CDK19: variants seen among roughly 807,000 people sequenced by gnomAD.
CDK19 encodes the protein cyclin dependent kinase 19.
Under a neutral mutation model 68.3 loss-of-function variants are expected in CDK19, and 20 were observed. The observed-to-expected ratio is 0.29, with a 90% CI of 0.21 to 0.43. The LOEUF is 0.43. Ranked by LOEUF, CDK19 falls within the 20% of genes least tolerant of loss-of-function variation. The pLI is 1.00. For missense variants in CDK19, 339 were observed against 623.5 expected (o/e 0.54, Z 4.86); for synonymous variants, 221 against 222.8 (o/e 0.99, Z 0.07).
At chr6:110,814,848 G>A (rs1180704043) in intron 1 of CDK19, 161 bp downstream of exon 1, 3 of 913,330 alleles carry the variant, frequency 3.3e-6, no homozygotes, top group Admixed American at 4.4e-5. Context: ...GGAGGCGGGC[G>A]GAACGGGCGC....
At chr6:110,775,051 T>C (rs538190868) in intron 1 of CDK19, among the ~76,000 whole-genome samples, 13 of 151,700 alleles carry the variant, frequency 8.6e-5, no homozygotes, top group African/African-American at 3.1e-4. Flanking sequence ...ATCGAGACCA[T>C]CCTGGCCAAC....
At position 110,621,224 on chromosome 6, in the gene CDK19, G is replaced by C. The variant is rs148540500; in HGVS notation, c.1257C>G (p.Thr419=). 2.5e-6 allele frequency: 4 copies of C among 1,613,272 alleles called. No individual in the cohort carries two copies. The highest frequency in any genetic ancestry group is 3.3e-5 in the Admixed American group (2 of 59,998). ...CCTGGCTGTGCTGCAACCCTGCTCC[G>C]GTGCCCCCGACCCCGGCCCCAGCCC... ...AGGAGAGVGG[T]GAGLQHSQDS... is the part of the protein sequence containing the mutation. The change falls in exon 12 of 13, where the codon ACC becomes ACG. Residue 419 remains threonine, a synonymous_variant. Transcript: ENST00000368911. This position sits in a 1 kb window ranked among gnomAD's most constrained non-coding sequence, Gnocchi z 5.4.
At chr6:110,781,321 C>G (rs1035240545) in intron 1 of CDK19, among the ~76,000 whole-genome samples, 1 of 152,090 alleles carries the variant, frequency 6.6e-6, no homozygotes, top group African/African-American at 2.4e-5. Flanking sequence ...TTTGAACAAC[C>G]AGATCTCCCT....
intron 1 of CDK19, among the ~76,000 whole-genome samples, chr6:110,808,360 T>C (rs533432847): frequency 2.0e-5 from 3 of 152,314 alleles, no homozygotes; most frequent in East Asian, 3.9e-4. Flanking sequence ...GTCAACAAAC[T>C]ATAGCCTGCA....
At chr6:110,735,971 G>A (rs949194174) in intron 2 of CDK19, among the ~76,000 whole-genome samples, 1 of 152,174 alleles carries the variant, frequency 6.6e-6, no homozygotes, top group African/African-American at 2.4e-5. Context: ...TGAGGAACCT[G>A]TGAACTGCTG....
At chr6:110,705,261 A>C (rs1774359956) in intron 2 of CDK19, among the ~76,000 whole-genome samples, 1 of 152,094 alleles carries the variant, frequency 6.6e-6, no homozygotes. Context: ...GCTGGTCTCA[A>C]ACTCCCAACC....
At chr6:110,786,131 ATGT>A (rs1348657564) in intron 1 of CDK19, among the ~76,000 whole-genome samples, 1 of 151,982 alleles carries the variant, frequency 6.6e-6, no homozygotes, top group African/African-American at 2.4e-5. Context: ...AGAAGAGGAG[ATGT>A]TGTAAAAGAA....
At chr6:110,616,566 G>A (rs1259665567) in intron 12 of CDK19, among the ~76,000 whole-genome samples, 2 of 151,926 alleles carry the variant, frequency 1.3e-5, no homozygotes, top group African/African-American at 4.8e-5. Context: ...TACTCGGGAG[G>A]CTGAGGCAGG....
At chr6:110,794,683 G>A (rs890018652) in intron 1 of CDK19, among the ~76,000 whole-genome samples, 3 of 151,934 alleles carry the variant, frequency 2.0e-5, no homozygotes, top group African/African-American at 4.8e-5. Context: ...GATTACAGGG[G>A]TGAGCCACCA....
chr6:110,625,344 A>G (rs892108359), intron 8 of CDK19, among the ~76,000 whole-genome samples: 7 of 152,062 alleles, frequency 4.6e-5, no homozygotes, highest in African/African-American at 9.7e-5. Context: ...TAATAAAAAT[A>G]GAGATAGGGT....
intron 1 of CDK19, among the ~76,000 whole-genome samples, chr6:110,748,047 A>C (rs1778201075): frequency 6.6e-6 from 1 of 152,232 alleles, no homozygotes; most frequent in Non-Finnish European, 1.5e-5. Flanking sequence ...GTATTCTTGA[A>C]ACAAAATTAT....
chr6:110,702,163 A>G (rs745807463), intron 2 of CDK19, among the ~76,000 whole-genome samples: 4 of 151,258 alleles, frequency 2.6e-5, no homozygotes, highest in Non-Finnish European at 5.9e-5. Context: ...ATAAAAATAA[A>G]TAAGAGGCCA....
chr6:110,749,776 ATTT>A (rs199678816), intron 1 of CDK19, among the ~76,000 whole-genome samples: 2 of 143,270 alleles, frequency 1.4e-5, no homozygotes, highest in Admixed American at 7.0e-5. Context: ...TGACCACACT[ATTT>A]TTTTTTTTTT....
At chr6:110,783,719 G>A (rs115320854) in intron 1 of CDK19, among the ~76,000 whole-genome samples, 1 of 151,530 alleles carries the variant, frequency 6.6e-6, no homozygotes, top group African/African-American at 2.4e-5. Context: ...GAAAACAAAG[G>A]AGTAAATCTT....
At chr6:110,786,266 T>C (rs879638508) in intron 1 of CDK19, among the ~76,000 whole-genome samples, 2 of 152,170 alleles carry the variant, frequency 1.3e-5, no homozygotes, top group Non-Finnish European at 2.9e-5. Context: ...GAAGCACTCA[T>C]CTCCATCAAG....
chr6:110,739,933 C>A (rs1014161637), intron 2 of CDK19, among the ~76,000 whole-genome samples: 8 of 151,990 alleles, frequency 5.3e-5, no homozygotes, highest in African/African-American at 1.9e-4. Flanking sequence ...GGCCACCACA[C>A]CTAGACTCAA....
intron 6 of CDK19, among the ~76,000 whole-genome samples, chr6:110,630,769 C>T (rs1229743914): frequency 6.6e-6 from 1 of 152,174 alleles, no homozygotes; most frequent in East Asian, 1.9e-4. Context: ...AAACACATAC[C>T]AGTTTACTCA....
chr6:110,811,005 T>C lies in CDK19; in HGVS notation c.128+4004A>G, dbSNP rs181069299. ...CCTCCCATGGTATTAGGAAGGAAAA[T>C]GCAAGAACTCTTGAGTTAGATGTGG... On this transcript the variant is annotated intron_variant, in intron 1 of 12. Coordinates refer to ENST00000368911, the MANE Select transcript of CDK19 (RefSeq NM_015076.5). Among the ~76,000 whole-genome samples, 35 of 152,062 alleles carry C rather than the reference T, an allele frequency of 2.3e-4. No individual in the cohort carries two copies. In the East Asian group the frequency reaches 6.2e-3, roughly 27 times the overall value.
chr6:110,777,409 T>A (rs1054928881), intron 1 of CDK19, among the ~76,000 whole-genome samples: 1 of 151,902 alleles, frequency 6.6e-6, no homozygotes, highest in Non-Finnish European at 1.5e-5. Context: ...AAAATCTCAA[T>A]ACAATAAGAT....
Sources: allele counts gnomAD v4.1 joint callset (sites outside exome capture counted in the v4.1 genomes callset), GRCh38; gene constraint gnomAD v4.1.1; non-coding constraint Gnocchi (gnomAD v3.1); transcripts MANE v1.5; gene names NCBI Gene and HGNC (gene_info 2026-07-23, HGNC 2026-07-21).